Variants in SF3B1 observed in about 807,000 individuals in gnomAD.
The protein encoded by SF3B1 is pre-mRNA processing 10.
A neutral mutation model predicts 153.8 loss-of-function variants in SF3B1; 12 were observed. The ratio of observed to expected loss-of-function variants is 0.08; its 90% CI spans 0.05 to 0.13. SF3B1 has a LOEUF of 0.13. Ranked by LOEUF, SF3B1 falls within the 10% of genes least tolerant of loss-of-function variation. SF3B1 has a pLI of 1.00. For missense variants in SF3B1, 513 were observed against 1,606.1 expected, an observed-to-expected ratio of 0.32 and a Z score of 11.63; for synonymous variants, 498 against 525.2, an observed-to-expected ratio of 0.95 and a Z score of 0.71.
Position 197,390,107 on chromosome 2 carries a change from C to A in SF3B1, c.*2196G>T, listed in dbSNP as rs2105971788. On this transcript the variant is annotated 3_prime_UTR_variant, in exon 25 of 25. Coordinates refer to ENST00000335508, the MANE Select transcript of SF3B1 (RefSeq NM_012433.4). ...TTAATAATAAGCACATAAAATAATC[C>A]AAATATCTGTGAGCCTCTATTTGGT... is the stretch of plus-strand genomic sequence containing the variant. The A allele has an allele frequency of 6.6e-6, 1 of 152,244 alleles. No individual in the cohort carries two copies. The highest frequency in any genetic ancestry group is 6.5e-5 in the Admixed American group (1 of 15,270). 9.4% of individuals were successfully genotyped at this position (152,244 alleles called of 1,614,324 possible). A position where few individuals can be genotyped will look rare whatever the true frequency, so the allele number is the denominator to read the frequency against.
At chr2:197,392,942 C>T (rs762364379) in intron 24 of SF3B1, 30 bp downstream of exon 24, 2 of 1,258,552 alleles carry the variant, frequency 1.6e-6, no homozygotes, top group East Asian at 4.7e-5. Flanking sequence ...AAAAAAAAAT[C>T]ACCGATTAAA....
intron 6 of SF3B1, among the ~76,000 whole-genome samples, chr2:197,411,922 C>T (rs1337923672): frequency 6.6e-6 from 1 of 151,820 alleles, no homozygotes; most frequent in African/African-American, 2.4e-5. Context: ...ATGGCAAAAG[C>T]CCATCTCTAC....
At chr2:197,430,523 C>T (rs767037331) in intron 1 of SF3B1, among the ~76,000 whole-genome samples, 1 of 152,184 alleles carries the variant, frequency 6.6e-6, no homozygotes, top group Non-Finnish European at 1.5e-5. Context: ...GGCACGATCT[C>T]GGCTCACTGC....
chr2:197,413,378 C>A (rs2085100396), intron 6 of SF3B1, among the ~76,000 whole-genome samples: 1 of 151,938 alleles, frequency 6.6e-6, no homozygotes, highest in African/African-American at 2.4e-5. Flanking sequence ...TCCAGCTACC[C>A]ATGGGTGACA....
chr2:197,419,128 A>C, intron 4 of SF3B1: 1 of 534,792 alleles, frequency 1.9e-6, no homozygotes. Context: ...ATATACCTAT[A>C]ATCTTATTCT....
chr2:197,407,066 C>G (rs1034794258), intron 9 of SF3B1, among the ~76,000 whole-genome samples: 1 of 152,056 alleles, frequency 6.6e-6, no homozygotes, highest in Non-Finnish European at 1.5e-5. Flanking sequence ...CCAGTACGGG[C>G]AACACAGTGA....
intron 11 of SF3B1, 82 bp from the exon 12 acceptor site, chr2:197,403,846 C>A: frequency 9.8e-7 from 1 of 1,022,296 alleles, no homozygotes; most frequent in Non-Finnish European, 1.4e-6. Context: ...AGAAGATTTT[C>A]CATACTTTAA....
intron 24 of SF3B1, 113 bp from the exon 25 acceptor site, chr2:197,392,574 G>GGGC (rs1553563325): frequency 5.6e-6 from 2 of 354,548 alleles, no homozygotes; most frequent in South Asian, 5.7e-5. Context: ...GGGAGTTGGG[G>GGGC]GGGGGGGAAC....
intron 1 of SF3B1, among the ~76,000 whole-genome samples, chr2:197,434,392 A>G (rs1413573187): frequency 2.0e-5 from 3 of 152,252 alleles, no homozygotes; most frequent in African/African-American, 7.2e-5. Context: ...TCTCCAAAGA[A>G]AAAGATCAAT....
At chr2:197,409,478 C>T (rs928651514) in intron 7 of SF3B1, among the ~76,000 whole-genome samples, 1 of 152,090 alleles carries the variant, frequency 6.6e-6, no homozygotes, top group African/African-American at 2.4e-5. Flanking sequence ...GGGAAGATCA[C>T]TTGAGCCTAG....
intron 1 of SF3B1, among the ~76,000 whole-genome samples, chr2:197,428,958 G>A (rs1226865339): frequency 6.6e-6 from 1 of 151,232 alleles, no homozygotes; most frequent in Non-Finnish European, 1.5e-5. Flanking sequence ...ACGACACAGT[G>A]AAACTCCATC....
chr2:197,406,676 G>GTCTATCTATACCCACAGT (rs1313730883), intron 9 of SF3B1, among the ~76,000 whole-genome samples: 1 of 152,192 alleles, frequency 6.6e-6, no homozygotes, highest in South Asian at 2.1e-4. Flanking sequence ...AGTAAGTTCT[G>GTCTATCTATACCCACAGT]TCTATCTATA....
intron 6 of SF3B1, among the ~76,000 whole-genome samples, chr2:197,416,270 T>C (rs1295584126): frequency 6.6e-6 from 1 of 152,164 alleles, no homozygotes; most frequent in African/African-American, 2.4e-5. Context: ...ACCTCCACAA[T>C]GTAACATACC....
intron 1 of SF3B1, among the ~76,000 whole-genome samples, chr2:197,433,884 A>T (rs1421741784): frequency 6.6e-6 from 1 of 152,260 alleles, no homozygotes; most frequent in Admixed American, 6.5e-5. Flanking sequence ...AAACACGGTC[A>T]TGTAACCTCC....
intron 2 of SF3B1, among the ~76,000 whole-genome samples, chr2:197,423,369 CAAAA>C (rs775495226): frequency 4.4e-5 from 3 of 68,924 alleles, no homozygotes; most frequent in Non-Finnish European, 6.0e-5. Flanking sequence ...GAGACTGTCT[CAAAA>C]AAAAAAAAAA....
chr2:197,427,743 G>T (rs1003576938), intron 1 of SF3B1, among the ~76,000 whole-genome samples: 1 of 152,106 alleles, frequency 6.6e-6, no homozygotes, highest in African/African-American at 2.4e-5. Flanking sequence ...AATCTGGGCC[G>T]GGCATGGTGG....
intron 23 of SF3B1, 178 bp from the exon 24 acceptor site, chr2:197,393,366 T>A (rs1347012590): frequency 1.7e-6 from 1 of 589,912 alleles, no homozygotes; most frequent in South Asian, 2.2e-5. Context: ...ATCTAATATA[T>A]CCTTTAGAAT....
intron 1 of SF3B1, among the ~76,000 whole-genome samples, chr2:197,429,715 C>T (rs1014837370): frequency 5.3e-5 from 8 of 151,146 alleles, no homozygotes; most frequent in Middle Eastern, 3.4e-3. Flanking sequence ...ACCCGGGAGG[C>T]GGAGCTTGCA....
chr2:197,425,085 G>C (rs1163200339), intron 1 of SF3B1, among the ~76,000 whole-genome samples: 2 of 152,128 alleles, frequency 1.3e-5, no homozygotes, highest in Non-Finnish European at 2.9e-5. Flanking sequence ...GAACCCGGGA[G>C]GCCAAGGCTG....
Sources: gnomAD v4.1 joint callset for allele counts (sites outside exome capture counted in the v4.1 genomes callset) on GRCh38, gnomAD v4.1.1 for gene constraint, MANE v1.5 for transcripts, NCBI Gene and HGNC (gene_info 2026-07-23, HGNC 2026-07-21) for gene names.